The following PTPRT variants were observed in gnomAD, a reference collection of about 807,000 sequenced individuals.
The protein encoded by PTPRT is receptor-type tyrosine-protein phosphatase T.
Under a neutral mutation model 176.8 loss-of-function variants are expected in PTPRT, and 56 were observed. That is an observed-to-expected ratio of 0.32 (90% CI 0.26 to 0.40). PTPRT has a LOEUF of 0.40. Ranked by LOEUF, PTPRT falls within the 10% of genes least tolerant of loss-of-function variation. The pLI is 1.00. For synonymous variants in PTPRT, 783 were observed against 739.0 expected (o/e 1.06, Z -0.96); for missense variants, 1,540 against 1,908.2 (o/e 0.81, Z 3.60).
intron 22 of PTPRT, among the ~76,000 whole-genome samples, chr20:42,114,502 C>A (rs1427038989): frequency 6.6e-6 from 1 of 152,182 alleles, no homozygotes; most frequent in African/African-American, 2.4e-5. Context: ...CAAGCTTGTG[C>A]AGCCCTGGCC....
At chr20:42,104,784 A>G in intron 24 of PTPRT, 66 bp from the exon 25 acceptor site, 1 of 1,463,244 alleles carries the variant, frequency 6.8e-7, no homozygotes, top group Non-Finnish European at 9.5e-7. Flanking sequence ...TTAGCTGTCC[A>G]CATTTAGTGT....
At chr20:42,475,462 T>G (rs1247188599) in intron 7 of PTPRT, among the ~76,000 whole-genome samples, 1 of 151,578 alleles carries the variant, frequency 6.6e-6, no homozygotes, top group Non-Finnish European at 1.5e-5. Context: ...AGCCACAGAG[T>G]GAGAGGCACA....
Position 42,756,619 on chromosome 20 carries a change from G to A in PTPRT, c.702C>T (p.Asp234=). ...KLWLQQWNGR[D]TALMVTRVVN... Reference sequence around the variant, plus strand: ...CCACACGGGTGACCATCAGGGCCGTGTCCCTGCCATTCCATTGCTGCAGAA... The same window carrying A: ...CCACACGGGTGACCATCAGGGCCGTATCCCTGCCATTCCATTGCTGCAGAA... The change falls in exon 6 of 31, where the codon GAC becomes GAT. Residue 234 remains aspartate, a synonymous_variant. Coordinates refer to ENST00000373187, the MANE Select transcript of PTPRT (RefSeq NM_007050.6). The A allele has an allele frequency of 2.5e-6, 4 of 1,594,430 alleles. No homozygotes were observed. Among genetic ancestry groups the A allele is most frequent in the Non-Finnish European group, 3.4e-6 (4 of 1,167,510 alleles).
chr20:42,994,950 T>G (rs1302305809), intron 1 of PTPRT, among the ~76,000 whole-genome samples: 1 of 152,212 alleles, frequency 6.6e-6, no homozygotes, highest in Non-Finnish European at 1.5e-5. Context: ...GGGAATAAAC[T>G]GTTATTGTAT....
chr20:42,078,525 T>G lies in PTPRT; in HGVS notation c.*2354A>C, dbSNP rs981958275. On this transcript the variant is annotated 3_prime_UTR_variant, in exon 31 of 31. Coordinates refer to ENST00000373187, the MANE Select transcript of PTPRT (RefSeq NM_007050.6). The stretch of plus-strand genomic sequence containing the variant: ...CTTAAGGGAATGTTTTCACAGTGTC[T>G]GATGAAAGGAAAAGAGGCAGCCCCA... The G allele has an allele frequency of 5.0e-6, 1 of 199,250 alleles. No homozygotes were observed. Among genetic ancestry groups the G allele is most frequent in the Admixed American group, 6.0e-5 (1 of 16,530 alleles). 12.3% of individuals were successfully genotyped at this position (199,250 alleles called of 1,614,324 possible). A position where few individuals can be genotyped will look rare whatever the true frequency, so the allele number is the denominator to read the frequency against.
In PTPRT at chr20:42,074,620, C is replaced by T. The variant is rs1222735860; in HGVS notation, c.*6259G>A. ...TTTTCTTTCATCCTGAGCCCTTGCA[C>T]TTCCCTTGTATCTGCCCCAGTGGAC... On this transcript the variant is annotated 3_prime_UTR_variant, in exon 31 of 31. Transcript: ENST00000373187. The T allele has an allele frequency of 2.5e-6, 1 of 396,222 alleles. No homozygotes were observed. The highest frequency in any genetic ancestry group is 4.4e-6 in the Non-Finnish European group (1 of 225,144). 24.5% of individuals were successfully genotyped at this position (396,222 alleles called of 1,614,324 possible).
At chr20:43,022,481 C>G (rs1274150718) in intron 1 of PTPRT, among the ~76,000 whole-genome samples, 1 of 152,206 alleles carries the variant, frequency 6.6e-6, no homozygotes, top group African/African-American at 2.4e-5. Context: ...TTACATGATT[C>G]TATTTCCTTT....
At chr20:43,082,237 T>C (rs1394699672) in intron 1 of PTPRT, among the ~76,000 whole-genome samples, 1 of 152,210 alleles carries the variant, frequency 6.6e-6, no homozygotes, top group Non-Finnish European at 1.5e-5. Flanking sequence ...ATTTATTCTG[T>C]AACCACTGAT....
chr20:42,471,308 T>C (rs911007400), intron 8 of PTPRT, among the ~76,000 whole-genome samples: 5 of 152,192 alleles, frequency 3.3e-5, no homozygotes, highest in African/African-American at 1.2e-4. Context: ...ATTTGTCCCC[T>C]CCCAAATCTC....
chr20:42,428,209 G>C (rs915615598), intron 9 of PTPRT, among the ~76,000 whole-genome samples: 1 of 152,226 alleles, frequency 6.6e-6, no homozygotes, highest in African/African-American at 2.4e-5. Flanking sequence ...ATGCCAAAGG[G>C]TTCCATAGAT....
chr20:42,290,555 T>C (rs1688337511), intron 12 of PTPRT, among the ~76,000 whole-genome samples: 1 of 152,136 alleles, frequency 6.6e-6, no homozygotes, highest in Non-Finnish European at 1.5e-5. Flanking sequence ...CAATGCTGCG[T>C]CTGGTTTTAG....
intron 2 of PTPRT, among the ~76,000 whole-genome samples, chr20:42,871,203 C>T (rs924484536): frequency 2.6e-5 from 4 of 151,860 alleles, no homozygotes; most frequent in African/African-American, 9.7e-5. Flanking sequence ...CTGCCCACCT[C>T]GGCCTCCCAA....
At chr20:42,572,417 C>A (rs554419772) in intron 7 of PTPRT, among the ~76,000 whole-genome samples, 2 of 152,296 alleles carry the variant, frequency 1.3e-5, no homozygotes, top group East Asian at 1.9e-4. Flanking sequence ...ACCCTCACCC[C>A]TTACCTTCTC....
chr20:42,054,096 C>CT, the PTPRT span, among the ~76,000 whole-genome samples: 1 of 152,146 alleles, frequency 6.6e-6, no homozygotes. Flanking sequence ...ACAGAGAGGC[C>CT]TTGAGTATGG....
At chr20:43,049,478 T>A (rs921894227) in intron 1 of PTPRT, among the ~76,000 whole-genome samples, 1 of 152,092 alleles carries the variant, frequency 6.6e-6, no homozygotes, top group African/African-American at 2.4e-5. Context: ...AAAAGGAGTA[T>A]AAACAAGAGG....
At chr20:42,618,940 A>C (rs2074134608) in intron 7 of PTPRT, among the ~76,000 whole-genome samples, 1 of 151,598 alleles carries the variant, frequency 6.6e-6, no homozygotes, top group South Asian at 2.1e-4. Flanking sequence ...GTCCATTTAC[A>C]TTTAAAGTTA....
At chr20:43,113,035 T>C (rs1052692861) in intron 1 of PTPRT, among the ~76,000 whole-genome samples, 2 of 151,886 alleles carry the variant, frequency 1.3e-5, no homozygotes, top group Non-Finnish European at 1.5e-5. Flanking sequence ...TCTCCTGGGG[T>C]TTTGCATGTA....
intron 1 of PTPRT, among the ~76,000 whole-genome samples, chr20:42,913,671 T>C (rs1978545352): frequency 6.6e-6 from 1 of 152,204 alleles, no homozygotes; most frequent in Admixed American, 6.5e-5. Flanking sequence ...GATTGAATGA[T>C]GAGGTTATCA....
intron 1 of PTPRT, among the ~76,000 whole-genome samples, chr20:43,116,232 A>T (rs1051205021): frequency 3.3e-5 from 5 of 152,170 alleles, no homozygotes; most frequent in African/African-American, 2.4e-5. Flanking sequence ...TGAGTCTCAA[A>T]TGCCGCATGG....
Sources: gnomAD v4.1 joint callset for allele counts (sites outside exome capture counted in the v4.1 genomes callset) on GRCh38, gnomAD v4.1.1 for gene constraint, MANE v1.5 for transcripts, NCBI Gene and HGNC (gene_info 2026-07-23, HGNC 2026-07-21) for gene names.